SF3B2: variants seen among roughly 807,000 people sequenced by gnomAD.
SF3B2 encodes SAP 145.
In SF3B2, 22 loss-of-function variants were observed where a neutral mutation model predicts 116.3. That is an observed-to-expected ratio of 0.19 (90% CI 0.14 to 0.27). The LOEUF (loss-of-function observed/expected upper bound fraction) is 0.27, where lower values mean the gene tolerates loss of function less well. SF3B2 is among the 10% of genes least tolerant of loss of function. The probability of loss-of-function intolerance (pLI) is 1.00; values close to 1 mark genes in which losing one functional copy is unlikely to be tolerated. For missense variants in SF3B2, 767 were observed against 1,151.4 expected (o/e 0.67, Z 4.83); for synonymous variants, 406 against 421.6 (o/e 0.96, Z 0.45).
chr11:66,055,904 T>A (rs978673187), intron 5 of SF3B2: 29 of 330,458 alleles, frequency 8.8e-5, no homozygotes, highest in African/African-American at 6.0e-4. Context: ...TGACCTATTA[T>A]AAAAAGAGCC....
chr11:66,058,288 A>G (rs747550986), intron 8 of SF3B2, 26 bp from the exon 9 acceptor site: 58 of 1,605,890 alleles, frequency 3.6e-5, no homozygotes, highest in Non-Finnish European at 4.5e-5. Context: ...CACCGTGAAG[A>G]CTCATCACCA....
Position 66,059,599 on chromosome 11 carries a change from A to G in SF3B2, c.1401+4A>G. 2 of 1,613,996 alleles carry G rather than the reference A, an allele frequency of 1.2e-6. No individual in the cohort carries two copies. The highest frequency in any genetic ancestry group is 1.7e-6 in the Non-Finnish European group (2 of 1,179,924). Reference sequence around the variant, plus strand: ...CACTGTGGCTGAACTCAAGCAGGTAAGACCTGAGAGGATCCTGCAGGCCCT... The same window carrying G: ...CACTGTGGCTGAACTCAAGCAGGTAGGACCTGAGAGGATCCTGCAGGCCCT... On this transcript the variant is annotated splice_donor_region_variant and intron_variant, in intron 12 of 21. Coordinates refer to ENST00000322535, the MANE Select transcript of SF3B2 (RefSeq NM_006842.3). The surrounding 1 kb of genome is among the most constrained non-coding windows in gnomAD (Gnocchi z 5.0).
chr11:66,062,146 G>A, intron 16 of SF3B2, 148 bp downstream of exon 16: 4 of 647,350 alleles, frequency 6.2e-6, no homozygotes. Context: ...TATACCATGT[G>A]TATGTGTAGA....
chr11:66,063,196 G>A, intron 17 of SF3B2, 80 bp downstream of exon 17: 1 of 1,171,562 alleles, frequency 8.5e-7, no homozygotes, highest in Non-Finnish European at 1.2e-6. Flanking sequence ...TCATTATCAG[G>A]GAGTTGTGTG....
At chr11:66,062,362 G>A (rs1453168866) in intron 16 of SF3B2, among the ~76,000 whole-genome samples, 2 of 151,818 alleles carry the variant, frequency 1.3e-5, no homozygotes, top group African/African-American at 4.8e-5. Context: ...TCAGCCAGAT[G>A]TGGTGTCTCA....
Position 66,068,862 on chromosome 11 carries a change from G to C in SF3B2, c.*117G>C, listed in dbSNP as rs1420095174. 1.2e-6 allele frequency: 1 copy of C among 800,462 alleles called. No individual in the cohort carries two copies. Among genetic ancestry groups the C allele is most frequent in the Non-Finnish European group, 2.1e-6 (1 of 486,050 alleles). 49.6% of individuals were successfully genotyped at this position (800,462 alleles called of 1,614,324 possible). On this transcript the variant is annotated 3_prime_UTR_variant, in exon 22 of 22. Transcript: ENST00000322535. ...CATTTCATGTTCTTATTTTAGACCT[G>C]TTTTGTAAATAAAGCTGTTTCCCAA...
Position 66,068,940 on chromosome 11 carries a change from C to T in SF3B2, c.*195C>T, listed in dbSNP as rs900345122. ...GAGCCTCCCTCATCTCCTTTTAGCC[C>T]CTTCTTGCAAAAGGACTAAAATAGT... On this transcript the variant is annotated 3_prime_UTR_variant, in exon 22 of 22. Transcript: ENST00000322535. 1 of 559,102 alleles carries T rather than the reference C, an allele frequency of 1.8e-6. No homozygotes were observed. 34.6% of individuals were successfully genotyped at this position (559,102 alleles called of 1,614,324 possible).
At position 66,052,417 on chromosome 11, in the gene SF3B2, A is replaced by T; in HGVS notation, c.33A>T (p.Ala11=). The change falls in exon 1 of 22, where the codon GCA becomes GCT. Residue 11 remains alanine, a synonymous_variant. Coordinates refer to ENST00000322535, the MANE Select transcript of SF3B2 (RefSeq NM_006842.3). The stretch of plus-strand genomic sequence containing the variant: ...CGGAGCATCCCGAGCCTCCCAAAGC[A>T]GAATTGCAGCTGCCGCCGCCGCCAC... MATEHPEPPK[A]ELQLPPPPPP... is the part of the protein sequence containing the mutation. The T allele has an allele frequency of 6.2e-7, 1 of 1,612,994 alleles. No individual in the cohort carries two copies. Among genetic ancestry groups the T allele is most frequent in the Non-Finnish European group, 8.5e-7 (1 of 1,179,840 alleles).
rs1258306343 is a variant in SF3B2, at chr11:66,056,882, G to A, written c.594G>A (p.Lys198=). ...LEQERQQEIA[K]MGTPVPRPPQ... is the part of the protein sequence containing the mutation. ...AGGAACGACAGCAGGAGATTGCCAA[G>A]ATGGGCACCCCAGTCCCTCGGCCCC... The change falls in exon 6 of 22, where the codon AAG becomes AAA. Residue 198 remains lysine (K), a synonymous_variant. Transcript: ENST00000322535. The A allele has an allele frequency of 1.4e-5, 22 of 1,614,038 alleles. No individual in the cohort carries two copies. Among genetic ancestry groups the A allele is most frequent in the Non-Finnish European group, 1.8e-5 (21 of 1,180,030 alleles).
At chr11:66,064,817 A>C (rs1406280223) in intron 19 of SF3B2, 1 of 152,164 alleles carries the variant, frequency 6.6e-6, no homozygotes, top group Admixed American at 6.6e-5. Flanking sequence ...CCCCATTTCT[A>C]CAAAATATTA....
intron 19 of SF3B2, chr11:66,067,621 C>T: frequency 2.1e-6 from 1 of 477,314 alleles, no homozygotes; most frequent in Non-Finnish European, 4.1e-6. Flanking sequence ...TCTATCTTGC[C>T]AGCTTCTCTG....
intron 3 of SF3B2, among the ~76,000 whole-genome samples, chr11:66,054,546 C>T (rs1856958276): frequency 6.6e-6 from 1 of 151,806 alleles, no homozygotes; most frequent in African/African-American, 2.4e-5. Flanking sequence ...TGGAAGCAAT[C>T]ACCCTTTTCT....
chr11:66,055,615 C>T (rs369794899), intron 5 of SF3B2, 30 bp downstream of exon 5: 278 of 1,609,088 alleles, frequency 1.7e-4, no homozygotes, highest in Middle Eastern at 3.3e-4. Flanking sequence ...CCTTTGACCT[C>T]GTGGTCCAGT....
chr11:66,067,371 G>A, intron 19 of SF3B2: 1 of 456,134 alleles, frequency 2.2e-6, no homozygotes, highest in South Asian at 1.5e-5. Flanking sequence ...CCGTTTTAAG[G>A]TATTTTCTCT....
intron 13 of SF3B2, 69 bp from the exon 14 acceptor site, chr11:66,060,513 T>C: frequency 6.4e-7 from 1 of 1,573,432 alleles, no homozygotes; most frequent in Non-Finnish European, 8.7e-7. Flanking sequence ...CATTTGGAGT[T>C]GGGAGCTGGA....
intron 6 of SF3B2, 43 bp from the exon 7 acceptor site, chr11:66,057,223 T>C: frequency 8.1e-7 from 1 of 1,241,342 alleles, no homozygotes; most frequent in Non-Finnish European, 1.2e-6. Context: ...TACGTGAGTG[T>C]TTTGCCTCTT....
chr11:66,062,186 G>A (rs10750776), intron 16 of SF3B2, among the ~76,000 whole-genome samples, 188 bp downstream of exon 16: 147,751 of 152,318 alleles, frequency 0.97, 71,836 homozygotes, highest in East Asian at 1. Context: ...GTTTTTTAAA[G>A]AAACTGACAT....
chr11:66,066,192 T>C (rs1288920302), intron 19 of SF3B2: 1 of 152,244 alleles, frequency 6.6e-6, no homozygotes, highest in Non-Finnish European at 1.5e-5. Context: ...CATTTTAATG[T>C]ATTGTCTGCT....
rs986068031 is a variant in SF3B2, at chr11:66,055,422, A to T, written c.498+107A>T. 1.1e-4 allele frequency: 175 copies of T among 1,595,338 alleles called. 1 individual carries two copies. Among genetic ancestry groups the T allele is most frequent in the Middle Eastern group, 9.4e-4 (5 of 5,328 alleles). Reference sequence around the variant, plus strand: ...AACTAAGGCTTCTGGGAAGGTCGGGACTAAAGATTGGAACATGGGCCCTTG... The same window carrying T: ...AACTAAGGCTTCTGGGAAGGTCGGGTCTAAAGATTGGAACATGGGCCCTTG... On this transcript the variant is annotated intron_variant, in intron 4 of 21. Coordinates refer to ENST00000322535, the MANE Select transcript of SF3B2 (RefSeq NM_006842.3).
Sources: allele counts gnomAD v4.1 joint callset (sites outside exome capture counted in the v4.1 genomes callset), GRCh38; gene constraint gnomAD v4.1.1; non-coding constraint Gnocchi (gnomAD v3.1); transcripts MANE v1.5; gene names NCBI Gene and HGNC (gene_info 2026-07-23, HGNC 2026-07-21).